The following SEMA6A variants were observed in gnomAD, a reference collection of about 807,000 sequenced individuals.
SEMA6A encodes semaphorin-6A.
A neutral mutation model predicts 96.8 loss-of-function variants in SEMA6A; 25 were observed. The observed-to-expected ratio is 0.26, with a 90% confidence interval of 0.19 to 0.36. The LOEUF (loss-of-function observed/expected upper bound fraction) is 0.36. Among genes scored for constraint, SEMA6A ranks in the 10% least tolerant of loss-of-function variants. The pLI, the probability that SEMA6A is intolerant of heterozygous loss-of-function variation, is 1.00. For missense variants in SEMA6A, 1,363 were observed against 1,323.1 expected (o/e 1.03, Z -0.47); for synonymous variants, 612 against 518.0 (o/e 1.18, Z -2.46).
chr5:116,461,443 G>T (rs1755390226), intron 18 of SEMA6A, among the ~76,000 whole-genome samples: 1 of 151,412 alleles, frequency 6.6e-6, no homozygotes, highest in South Asian at 2.1e-4. Context: ...TAAAAGGAAT[G>T]CAAATTAGTA....
intron 17 of SEMA6A, chr5:116,472,516 T>TGAACTGTATCAGCTGAG (rs1372031781): frequency 5.7e-6 from 1 of 175,656 alleles, no homozygotes; most frequent in Non-Finnish European, 1.2e-5. Flanking sequence ...TGGGGGATGG[T>TGAACTGTATCAGCTGAG]GAACTGTATC....
intron 1 of SEMA6A, among the ~76,000 whole-genome samples, chr5:116,542,222 G>T (rs1311481758): frequency 6.6e-6 from 1 of 152,146 alleles, no homozygotes; most frequent in African/African-American, 2.4e-5. Flanking sequence ...CAAATCATGT[G>T]TCAGTCTGAG....
chr5:116,563,624 T>A (rs964900346), intron 1 of SEMA6A, among the ~76,000 whole-genome samples: 2 of 152,250 alleles, frequency 1.3e-5, no homozygotes, highest in African/African-American at 4.8e-5. Context: ...TTTACTTTTC[T>A]TAAGCTACGT....
At chr5:116,464,667 G>C (rs531206617) in intron 18 of SEMA6A, among the ~76,000 whole-genome samples, 1 of 152,132 alleles carries the variant, frequency 6.6e-6, no homozygotes, top group Admixed American at 6.5e-5. Context: ...AGCAGAAGGG[G>C]GTTAGGCTGC....
Position 116,478,642 on chromosome 5 carries a change from C to T in SEMA6A, c.1327G>A (p.Glu443Lys), listed in dbSNP as rs1561484004. ...QNHTVVFLGS[E>K]KGIILKFLAR... Reference sequence around the variant, plus strand: ...AAAAACTTCAAGATGATTCCCTTCTCTGATCCCAGAAAAACCACAGTGTGA... The same window carrying T: ...AAAAACTTCAAGATGATTCCCTTCTTTGATCCCAGAAAAACCACAGTGTGA... The change falls in exon 13 of 19, where the codon GAG (glutamate) becomes AAG (lysine). Residue 443 changes from glutamate to lysine, a missense_variant. Physicochemically the swap from Glu to Lys is moderately conservative, Grantham distance 56. This residue lies in a region of SEMA6A where 480 missense variants were observed against 559.5 expected (regional missense o/e 0.86). Transcript: ENST00000343348. The T allele has an allele frequency of 6.2e-7, 1 of 1,613,760 alleles. No homozygotes were observed. The highest frequency in any genetic ancestry group is 1.3e-5 in the African/African-American group (1 of 75,046).
chr5:116,495,269 CAT>C, intron 6 of SEMA6A, 142 bp downstream of exon 6: 3 of 679,414 alleles, frequency 4.4e-6, no homozygotes, highest in Non-Finnish European at 5.3e-6. Flanking sequence ...TAGGATCACT[CAT>C]GTGGAGCAAT....
chr5:116,505,009 T>G, intron 1 of SEMA6A, 27 bp from the exon 2 acceptor site: 2 of 1,166,354 alleles, frequency 1.7e-6, no homozygotes, highest in Non-Finnish European at 2.5e-6. Flanking sequence ...AACAGATTTT[T>G]TTCCAAGTCA....
rs188895615 is a variant in SEMA6A, at chr5:116,531,102, T to C, written c.-38-26120A>G. ...ATGTGTATTGCCCCTCTGATCATAG[T>C]CATTTCCCTAATCTTACCTTCACTA... On this transcript the variant is annotated intron_variant, in intron 1 of 18. Coordinates refer to ENST00000343348, the MANE Select transcript of SEMA6A (RefSeq NM_020796.5). 3.5e-3 allele frequency among the ~76,000 whole-genome samples: 526 copies of C among 151,978 alleles called. 3 individuals carry two copies. The highest frequency in any genetic ancestry group is 0.012 in the African/African-American group (507 of 41,460).
chr5:116,508,108 C>A (rs1373873887), intron 1 of SEMA6A: 1 of 152,066 alleles, frequency 6.6e-6, no homozygotes, highest in Non-Finnish European at 1.5e-5. Flanking sequence ...TATTGGTTGC[C>A]ATGAGCCAAA....
At chr5:116,483,495 T>C (rs1011089262) in intron 10 of SEMA6A, among the ~76,000 whole-genome samples, 21 of 152,156 alleles carry the variant, frequency 1.4e-4, no homozygotes, top group African/African-American at 5.1e-4. Context: ...GGGAACATCA[T>C]CCAGGGCAGG....
intron 18 of SEMA6A, among the ~76,000 whole-genome samples, chr5:116,450,800 G>A (rs771642006): frequency 6.6e-6 from 1 of 152,250 alleles, no homozygotes; most frequent in Non-Finnish European, 1.5e-5. Flanking sequence ...TCATCTGCTT[G>A]TGTAAATTCA....
intron 1 of SEMA6A, among the ~76,000 whole-genome samples, chr5:116,516,980 A>T (rs1758697014): frequency 6.6e-6 from 1 of 152,158 alleles, no homozygotes; most frequent in African/African-American, 2.4e-5. Flanking sequence ...GTTTAAAGAA[A>T]AATACGATTT....
rs1244355024 is a variant in SEMA6A, at chr5:116,480,163, G to A, written c.1209C>T (p.Pro403=). 6.2e-7 allele frequency: 1 copy of A among 1,613,812 alleles called. No homozygotes were observed. Among genetic ancestry groups the A allele is most frequent in the East Asian group, 2.2e-5 (1 of 44,872 alleles). The part of the protein sequence containing the change: ...KTHPLMDEAV[P]SIFNRPWFLR... ...GGAACCATGGCCTGTTGAAGATGGA[G>A]GGCACTGCCTCATCCATGAGCGGGT... Residue 403 remains proline (P), a synonymous_variant, in exon 12 of 19, where the codon CCC becomes CCT. Transcript: ENST00000343348.
chr5:116,553,140 TTGAA>T (rs1351184214), intron 1 of SEMA6A, among the ~76,000 whole-genome samples: 4 of 152,252 alleles, frequency 2.6e-5, no homozygotes, highest in Non-Finnish European at 4.4e-5. Flanking sequence ...CTATATTACT[TTGAA>T]TAATACGTTA....
At chr5:116,475,877 C>G (rs1477233380) in intron 15 of SEMA6A, among the ~76,000 whole-genome samples, 1 of 152,186 alleles carries the variant, frequency 6.6e-6, no homozygotes, top group East Asian at 1.9e-4. Context: ...CTTCTTTACT[C>G]TAATTCTCTG....
chr5:116,460,789 T>C (rs1302369398), intron 18 of SEMA6A, among the ~76,000 whole-genome samples: 25 of 148,294 alleles, frequency 1.7e-4, no homozygotes, highest in African/African-American at 5.7e-4. Context: ...ATCTCTTTTT[T>C]TTTTTTTTTT....
chr5:116,489,621 C>G (rs892229804), intron 7 of SEMA6A, among the ~76,000 whole-genome samples: 2 of 152,224 alleles, frequency 1.3e-5, no homozygotes, highest in Non-Finnish European at 2.9e-5. Context: ...GCTTCCGCAT[C>G]TCCAAAGTCA....
intron 18 of SEMA6A, among the ~76,000 whole-genome samples, chr5:116,463,642 G>T (rs1054432713): frequency 6.6e-6 from 1 of 152,054 alleles, no homozygotes; most frequent in Non-Finnish European, 1.5e-5. Context: ...TCTTTAATGT[G>T]CATATTTTCT....
intron 8 of SEMA6A, 65 bp downstream of exon 8, chr5:116,488,823 T>C: frequency 6.8e-7 from 1 of 1,478,352 alleles, no homozygotes; most frequent in Admixed American, 2.4e-5. Flanking sequence ...CTCCAGACTC[T>C]AAATCTCCCA....
Sources: allele counts gnomAD v4.1 joint callset (sites outside exome capture counted in the v4.1 genomes callset), GRCh38; gene constraint gnomAD v4.1.1; regional missense constraint gnomAD v4.1.1; transcripts MANE v1.5; gene names NCBI Gene and HGNC (gene_info 2026-07-23, HGNC 2026-07-21).